The following IBTK variants were observed in gnomAD, a reference collection of about 807,000 sequenced individuals.
IBTK encodes BTK-binding protein.
Under a neutral mutation model 154.9 loss-of-function variants are expected in IBTK, and 83 were observed. The observed-to-expected ratio is 0.54, with a 90% CI of 0.45 to 0.64. The LOEUF (loss-of-function observed/expected upper bound fraction) is 0.64, where lower values mean the gene tolerates loss of function less well. Ranked by LOEUF, IBTK falls within the 30% of genes least tolerant of loss-of-function variation. The pLI is 0.00. For missense variants in IBTK, 1,332 were observed against 1,584.6 expected, an observed-to-expected ratio of 0.84 and a Z score of 2.71; for synonymous variants, 515 against 536.1, an observed-to-expected ratio of 0.96 and a Z score of 0.54.
intron 24 of IBTK, chr6:82,191,456 G>T (rs1365537171): frequency 1.8e-6 from 1 of 561,174 alleles, no homozygotes; most frequent in Non-Finnish European, 3.1e-6. Context: ...AGCTACATAT[G>T]AGCCCTCCAA....
chr6:82,195,393 C>T (rs1016914430), intron 22 of IBTK, among the ~76,000 whole-genome samples: 4 of 151,818 alleles, frequency 2.6e-5, no homozygotes, highest in African/African-American at 7.3e-5. Flanking sequence ...CTGAGCAACA[C>T]GGCAAAACCC....
In IBTK at chr6:82,235,976, C is replaced by T. The variant is rs995016362; in HGVS notation, c.322-1721G>A. ...GCAACCTCCATCTCCTGGGTTCAAG[C>T]GATTCTCCTGCCGCAGCCTCCCCCG... is the stretch of plus-strand genomic sequence containing the variant. On this transcript the variant is annotated intron_variant, in intron 2 of 28. Transcript: ENST00000306270. Among the ~76,000 whole-genome samples the T allele has an allele frequency of 3.3e-5, 5 of 152,204 alleles. No homozygotes were observed. The Middle Eastern group carries it at 0.014, about 414-fold the overall frequency.
At chr6:82,234,125 C>A in intron 3 of IBTK, 34 bp downstream of exon 3, 1 of 1,107,102 alleles carries the variant, frequency 9.0e-7, no homozygotes. Flanking sequence ...AGGTGTGAGC[C>A]GCAGCGCCCA....
intron 17 of IBTK, among the ~76,000 whole-genome samples, chr6:82,203,879 T>C (rs778423754): frequency 6.6e-6 from 1 of 152,006 alleles, no homozygotes; most frequent in Non-Finnish European, 1.5e-5. Context: ...AACCAAGGAG[T>C]AGACAGTCTA....
intron 9 of IBTK, 76 bp from the exon 10 acceptor site, chr6:82,218,213 A>G (rs1769943746): frequency 9.6e-7 from 1 of 1,039,062 alleles, no homozygotes; most frequent in Non-Finnish European, 1.3e-6. Context: ...TCAAGATATC[A>G]AGAGACAATG....
intron 8 of IBTK, among the ~76,000 whole-genome samples, chr6:82,220,937 T>TACACACACACACACACACACACAC (rs57358110): frequency 4.6e-5 from 6 of 130,160 alleles, no homozygotes; most frequent in Middle Eastern, 4.1e-3. Context: ...TGACTTTACC[T>TACACACACACACACACACACACAC]ACACACACAC....
At chr6:82,230,000 G>A (rs1175949421) in intron 4 of IBTK, among the ~76,000 whole-genome samples, 3 of 152,072 alleles carry the variant, frequency 2.0e-5, no homozygotes, top group African/African-American at 7.2e-5. Context: ...CCTAAATATA[G>A]TGGTCATATT....
intron 26 of IBTK, among the ~76,000 whole-genome samples, chr6:82,175,595 T>G (rs550905324): frequency 6.6e-6 from 1 of 152,316 alleles, no homozygotes; most frequent in African/African-American, 2.4e-5. Flanking sequence ...CATTCTAAAC[T>G]TTCAAATAAT....
At chr6:82,200,018 C>A (rs750221692) in intron 21 of IBTK, 123 bp downstream of exon 21, 11 of 655,292 alleles carry the variant, frequency 1.7e-5, no homozygotes, top group African/African-American at 7.3e-5. Flanking sequence ...GGAGTACTTA[C>A]AATAAACTAT....
At chr6:82,228,898 G>A (rs947816276) in intron 4 of IBTK, among the ~76,000 whole-genome samples, 4 of 152,050 alleles carry the variant, frequency 2.6e-5, no homozygotes, top group African/African-American at 9.7e-5. Context: ...TGGGATTACA[G>A]GTATGAGCCA....
intron 3 of IBTK, among the ~76,000 whole-genome samples, chr6:82,232,182 A>C (rs1345103359): frequency 6.6e-6 from 1 of 152,094 alleles, no homozygotes; most frequent in Admixed American, 6.6e-5. Flanking sequence ...GGCATAAGCC[A>C]CTCTGCCCAG....
At chr6:82,204,230 TA>T (rs1196459781) in intron 17 of IBTK, among the ~76,000 whole-genome samples, 1 of 152,156 alleles carries the variant, frequency 6.6e-6, no homozygotes, top group Non-Finnish European at 1.5e-5. Flanking sequence ...AACTGCATAG[TA>T]ACAGTGAGAA....
chr6:82,194,785 GTTC>G, intron 22 of IBTK, 143 bp from the exon 23 acceptor site: 1 of 532,286 alleles, frequency 1.9e-6, no homozygotes, highest in Non-Finnish European at 2.9e-6. Context: ...TTCAAATCAT[GTTC>G]TTCTACAGTT....
intron 26 of IBTK, among the ~76,000 whole-genome samples, chr6:82,178,227 A>T (rs1463978774): frequency 6.6e-6 from 1 of 152,228 alleles, no homozygotes; most frequent in Non-Finnish European, 1.5e-5. Flanking sequence ...AACTCCATTG[A>T]GTCAAACTTC....
chr6:82,189,072 G>A, intron 25 of IBTK: 1 of 436,388 alleles, frequency 2.3e-6, no homozygotes, highest in Admixed American at 2.6e-5. Context: ...GAAGCCTAGG[G>A]GGACCAATAT....
chr6:82,196,612 A>G (rs1480833135), intron 21 of IBTK, among the ~76,000 whole-genome samples, 166 bp from the exon 22 acceptor site: 1 of 152,236 alleles, frequency 6.6e-6, no homozygotes, highest in Non-Finnish European at 1.5e-5. Context: ...CTGGAGAAAG[A>G]AATCAGTTTA....
At chr6:82,177,213 T>C (rs1033576160) in intron 26 of IBTK, among the ~76,000 whole-genome samples, 2 of 151,806 alleles carry the variant, frequency 1.3e-5, no homozygotes, top group African/African-American at 4.8e-5. Flanking sequence ...GTTGTTGTTG[T>C]TGTTGTTGTT....
At position 82,194,639 on chromosome 6, in the gene IBTK, T is replaced by G. The variant is rs1397355114; in HGVS notation, c.3178A>C (p.Lys1060Gln). Reference sequence around the variant, plus strand: ...GTACCATTAACATACGGTTTGACTTTCGCCTGGGGAGAGAAAAAAAATAAA... The same window carrying G: ...GTACCATTAACATACGGTTTGACTTGCGCCTGGGGAGAGAAAAAAAATAAA... ...TGFHSDKIEA[K>Q]VKPYVNGTSP... Residue 1060 changes from lysine (K) to glutamine (Q), a missense_variant, in exon 23 of 29, where the codon AAA becomes CAA. Transcript: ENST00000306270. 6.4e-7 allele frequency: 1 copy of G among 1,570,298 alleles called. No homozygotes were observed. Among genetic ancestry groups the G allele is most frequent in the East Asian group, 2.3e-5 (1 of 43,498 alleles).
intron 28 of IBTK, among the ~76,000 whole-genome samples, chr6:82,171,774 G>A (rs1027237209): frequency 2.0e-5 from 3 of 152,118 alleles, no homozygotes; most frequent in Non-Finnish European, 4.4e-5. Flanking sequence ...ATACCCATGC[G>A]CTCTTCAATT....
Sources: allele counts gnomAD v4.1 joint callset (sites outside exome capture counted in the v4.1 genomes callset), GRCh38; gene constraint gnomAD v4.1.1; transcripts MANE v1.5; gene names NCBI Gene and HGNC (gene_info 2026-07-23, HGNC 2026-07-21).